DYNC2I2: variants seen among roughly 807,000 people sequenced by gnomAD.
DYNC2I2 encodes cytoplasmic dynein 2 intermediate chain 2.
Under a neutral mutation model 52.0 loss-of-function variants are expected in DYNC2I2, and 39 were observed. That is an observed-to-expected ratio of 0.75 (90% CI 0.58 to 0.98). DYNC2I2 has a LOEUF of 0.98. DYNC2I2 is among the 50% of genes least tolerant of loss of function. The pLI is 0.00. For synonymous variants in DYNC2I2, 359 were observed against 321.1 expected (o/e 1.12, Z -1.26); for missense variants, 743 against 728.4 (o/e 1.02, Z -0.23).
chr9:128,658,635 G>C (rs1860881911), upstream of DYNC2I2, among the ~76,000 whole-genome samples: 1 of 150,128 alleles, frequency 6.7e-6, no homozygotes, highest in Admixed American at 6.7e-5. Context: ...CCAATTTTTT[G>C]TATTTTTAGT....
At chr9:128,661,991 G>A in the DYNC2I2 span, among the ~76,000 whole-genome samples, 309 of 151,826 alleles carry the variant, frequency 2.0e-3, 1 homozygote, top group African/African-American at 7.1e-3. Context: ...GCTGTGAGCC[G>A]AGATTGCACC....
At chr9:128,679,495 G>C in the DYNC2I2 span, among the ~76,000 whole-genome samples, 3 of 152,030 alleles carry the variant, frequency 2.0e-5, no homozygotes, top group African/African-American at 7.2e-5. Flanking sequence ...GCAGGGTCTT[G>C]CTCTGTTGAC....
At chr9:128,671,698 C>T in the DYNC2I2 span, among the ~76,000 whole-genome samples, 2 of 151,714 alleles carry the variant, frequency 1.3e-5, no homozygotes, top group African/African-American at 4.8e-5. Context: ...GTCGCCCAGG[C>T]TGGAGTGCAG....
chr9:128,638,380 G>A (rs1024643036), intron 2 of DYNC2I2, among the ~76,000 whole-genome samples: 1 of 152,032 alleles, frequency 6.6e-6, no homozygotes, highest in Non-Finnish European at 1.5e-5. Context: ...AGCTGGGTGT[G>A]GTAGCACGTG....
rs766614636 is a variant in DYNC2I2, at chr9:128,636,106, G to C, written c.703+175C>G. The C allele has an allele frequency of 3.5e-5, 36 of 1,022,314 alleles. No homozygotes were observed. In the African/African-American group the frequency reaches 5.6e-4, roughly 16 times the overall value. 63.3% of individuals were successfully genotyped at this position (1,022,314 alleles called of 1,614,324 possible). ...TGGCCCCCTTCCAGACTCCTCCCCC[G>C]AGTTCCACCCCTCAGGGCTCACTGC... On this transcript the variant is annotated intron_variant, in intron 4 of 8. Transcript: ENST00000372715.
At chr9:128,652,765 C>T (rs911294662) in intron 1 of DYNC2I2, among the ~76,000 whole-genome samples, 4 of 149,948 alleles carry the variant, frequency 2.7e-5, no homozygotes, top group African/African-American at 1.0e-4. Context: ...ACTAAAAATA[C>T]TAAATTAGCC....
intron 7 of DYNC2I2, 111 bp downstream of exon 7, chr9:128,634,578 A>G (rs1860329724): frequency 7.6e-7 from 1 of 1,311,368 alleles, no homozygotes; most frequent in Admixed American, 2.8e-5. Context: ...CGGGTCTCAG[A>G]GTGGGCAGAA....
chr9:128,655,342 A>T (rs1860797419), intron 1 of DYNC2I2, among the ~76,000 whole-genome samples: 3 of 122,160 alleles, frequency 2.5e-5, no homozygotes, highest in African/African-American at 5.9e-5. Context: ...TACTAAAAAA[A>T]AAAAAAAAAA....
At chr9:128,671,126 C>T in the DYNC2I2 span, among the ~76,000 whole-genome samples, 1 of 150,296 alleles carries the variant, frequency 6.7e-6, no homozygotes, top group Non-Finnish European at 1.5e-5. Flanking sequence ...GCAGTAGCAT[C>T]ATCAGTCAAG....
In DYNC2I2 at chr9:128,640,660, C is replaced by T. The variant is rs559041709; in HGVS notation, c.435+31G>A. 1.1e-5 allele frequency: 17 copies of T among 1,597,746 alleles called. No homozygotes were observed. In the African/African-American group the frequency reaches 2.0e-4, roughly 19 times the overall value. On this transcript the variant is annotated intron_variant, in intron 2 of 8. Transcript: ENST00000372715. ...AGGAGACAGAAGTGGGGCAGGGGCT[C>T]GACCCGAGGCTGCACCAGCCCATCC...
chr9:128,637,728 C>T (rs1860442389), intron 2 of DYNC2I2, among the ~76,000 whole-genome samples: 1 of 152,208 alleles, frequency 6.6e-6, no homozygotes, highest in African/African-American at 2.4e-5. Context: ...CAGGCATGAG[C>T]TGCTGTGCCT....
At chr9:128,636,813 G>A (rs1284281301) in intron 3 of DYNC2I2, 105 bp downstream of exon 3, 2 of 868,128 alleles carry the variant, frequency 2.3e-6, no homozygotes, top group East Asian at 5.3e-5. Flanking sequence ...CTCCCAGGAT[G>A]GCCAAGCTCT....
At position 128,634,712 on chromosome 9, in the gene DYNC2I2, A is replaced by T. The variant is rs756778295; in HGVS notation, c.1191T>A (p.Ser397=). The part of the protein sequence containing the change: ...TFSPHGGPIY[S]VSCSPFHRNL... ...ACCTGTGGAAGGGGGAACAGCTCAC[A>T]GAGTAGATGGGACCGCCGTGGGGGG... The change falls in exon 7 of 9, where the codon TCT becomes TCA. Residue 397 remains serine (S), a synonymous_variant. Coordinates refer to ENST00000372715, the MANE Select transcript of DYNC2I2 (RefSeq NM_052844.4). The T allele has an allele frequency of 1.3e-6, 2 of 1,580,996 alleles. No homozygotes were observed. The highest frequency in any genetic ancestry group is 1.7e-6 in the Non-Finnish European group (2 of 1,163,662).
At chr9:128,645,121 C>T (rs781651669) in intron 1 of DYNC2I2, among the ~76,000 whole-genome samples, 11 of 151,670 alleles carry the variant, frequency 7.3e-5, no homozygotes, top group African/African-American at 1.2e-4. Context: ...GAGGCCGAGG[C>T]GGGCAGATCA....
the DYNC2I2 span, among the ~76,000 whole-genome samples, chr9:128,675,458 G>A: frequency 6.6e-6 from 1 of 152,130 alleles, no homozygotes; most frequent in Non-Finnish European, 1.5e-5. Flanking sequence ...GGGATTATAG[G>A]CATGAGCCAC....
chr9:128,642,103 C>T (rs1342439057), intron 1 of DYNC2I2, among the ~76,000 whole-genome samples: 2 of 151,372 alleles, frequency 1.3e-5, no homozygotes, highest in South Asian at 2.1e-4. Flanking sequence ...CTGGCTAACA[C>T]GGTGAAACCC....
upstream of DYNC2I2, among the ~76,000 whole-genome samples, chr9:128,660,823 G>C (rs917320737): frequency 6.6e-6 from 1 of 151,820 alleles, no homozygotes; most frequent in African/African-American, 2.4e-5. Flanking sequence ...TTCACCTCTT[G>C]AGTTCAAGTG....
rs1441872910 is a variant in DYNC2I2 at position 128,635,267 on chromosome 9, A to G, written c.814-8T>C. 1 of 1,612,228 alleles carries G rather than the reference A, an allele frequency of 6.2e-7. No homozygotes were observed. Among genetic ancestry groups the G allele is most frequent in the Admixed American group, 1.7e-5 (1 of 59,960 alleles). The stretch of plus-strand genomic sequence containing the variant: ...CTCGGGCAGCCACACCACCTGAGTT[A>G]ACAGCATGCAGGGCCAGGATGGAGA... On this transcript the variant is annotated splice_polypyrimidine_tract_variant and splice_region_variant and intron_variant, in intron 5 of 8. Coordinates refer to ENST00000372715, the MANE Select transcript of DYNC2I2 (RefSeq NM_052844.4).
chr9:128,649,095 G>A (rs1030094835), intron 1 of DYNC2I2, among the ~76,000 whole-genome samples: 10 of 152,106 alleles, frequency 6.6e-5, no homozygotes, highest in South Asian at 6.2e-4. Context: ...AATAGATCGC[G>A]GTGATGACTG....
Sources: allele counts gnomAD v4.1 joint callset (sites outside exome capture counted in the v4.1 genomes callset), GRCh38; gene constraint gnomAD v4.1.1; transcripts MANE v1.5; gene names NCBI Gene and HGNC (gene_info 2026-07-23, HGNC 2026-07-21).